Variants in VWA8 observed in about 807,000 individuals in gnomAD.
VWA8 encodes the protein von Willebrand factor A domain-containing protein 8.
A neutral mutation model predicts 241.5 loss-of-function variants in VWA8; 221 were observed. That is an observed-to-expected ratio of 0.91 (90% confidence interval 0.82 to 1.02). The LOEUF is 1.02. Among genes scored for constraint, VWA8 ranks in the 50% least tolerant of loss-of-function variants. The probability of loss-of-function intolerance (pLI) is 0.00; values close to 1 mark genes in which losing one functional copy is unlikely to be tolerated. For missense variants in VWA8, 2,322 were observed against 2,328.7 expected, an observed-to-expected ratio of 1.00 and a Z score of 0.06; for synonymous variants, 852 against 827.1, an observed-to-expected ratio of 1.03 and a Z score of -0.52.
At chr13:41,917,250 C>T (rs1053836413) in intron 2 of VWA8, among the ~76,000 whole-genome samples, 3 of 151,508 alleles carry the variant, frequency 2.0e-5, no homozygotes, top group Admixed American at 2.0e-4. Context: ...ATAATAAATC[C>T]TTCAAAACTG....
At chr13:41,682,487 AC>A (rs1230397538) in intron 35 of VWA8, among the ~76,000 whole-genome samples, 1 of 152,200 alleles carries the variant, frequency 6.6e-6, no homozygotes, top group East Asian at 1.9e-4. Context: ...TTTGCAAAGT[AC>A]ATCTCTGACA....
intron 12 of VWA8, among the ~76,000 whole-genome samples, chr13:41,840,400 G>C (rs1871941336): frequency 6.6e-6 from 1 of 151,746 alleles, no homozygotes; most frequent in Admixed American, 6.6e-5. Flanking sequence ...AAACCACCAT[G>C]GTACATGTAT....
intron 21 of VWA8, among the ~76,000 whole-genome samples, chr13:41,759,280 CAGG>C (rs1300586431): frequency 3.3e-5 from 5 of 151,512 alleles, no homozygotes; most frequent in African/African-American, 9.7e-5. Flanking sequence ...ATTTATTTCT[CAGG>C]AGAAGTCAGC....
At chr13:41,957,039 G>A (rs1326877317) in intron 1 of VWA8, among the ~76,000 whole-genome samples, 2 of 152,120 alleles carry the variant, frequency 1.3e-5, no homozygotes, top group Non-Finnish European at 2.9e-5. Flanking sequence ...TCAGGAGTTC[G>A]AGACCAGCCT....
chr13:41,758,391 T>TAC (rs1555331254), intron 21 of VWA8, among the ~76,000 whole-genome samples: 4 of 12,734 alleles, frequency 3.1e-4, no homozygotes, highest in Non-Finnish European at 7.7e-4. Context: ...TATATATATA[T>TAC]ACGCTAGTAT....
At chr13:41,938,518 G>A (rs184288207) in intron 2 of VWA8, among the ~76,000 whole-genome samples, 186 of 152,094 alleles carry the variant, frequency 1.2e-3, no homozygotes, top group Non-Finnish European at 2.0e-3. Flanking sequence ...AGGCGTAGTG[G>A]CACGTGCCTG....
chr13:41,797,592 G>A (rs1420855379), intron 17 of VWA8, among the ~76,000 whole-genome samples: 1 of 152,036 alleles, frequency 6.6e-6, no homozygotes, highest in Admixed American at 6.6e-5. Flanking sequence ...CTTCAATTCT[G>A]ATTGTTTCTG....
At position 41,909,499 on chromosome 13, in the gene VWA8, G is replaced by A. The variant is rs565170426; in HGVS notation, c.373-1803C>T. ...GAGTAAAGTGGCAATTTCTCTTGTT[G>A]GCAGGTATTACTTCTTGCTTCTGGA... On this transcript the variant is annotated intron_variant, in intron 3 of 44. Transcript: ENST00000379310. Among the ~76,000 whole-genome samples, 58 of 152,292 alleles carry A rather than the reference G, an allele frequency of 3.8e-4. 1 individual carries two copies. The South Asian group carries it at 0.012, about 32-fold the overall frequency.
At chr13:41,844,976 A>G (rs1441197048) in intron 12 of VWA8, among the ~76,000 whole-genome samples, 1 of 152,166 alleles carries the variant, frequency 6.6e-6, no homozygotes, top group African/African-American at 2.4e-5. Context: ...ATACTGCCCA[A>G]AGCAATTTAC....
intron 2 of VWA8, among the ~76,000 whole-genome samples, chr13:41,940,838 T>C (rs1329325094): frequency 1.3e-5 from 2 of 152,196 alleles, no homozygotes; most frequent in South Asian, 4.1e-4. Flanking sequence ...ACCATCATCA[T>C]CTTGATGTAC....
intron 37 of VWA8, among the ~76,000 whole-genome samples, chr13:41,665,307 G>A (rs2044978757): frequency 1.3e-5 from 2 of 152,072 alleles, no homozygotes; most frequent in South Asian, 2.1e-4. Context: ...ACTTTGTTAA[G>A]GTTCAATTAT....
At chr13:41,712,785 T>C (rs1414841204) in intron 26 of VWA8, among the ~76,000 whole-genome samples, 1 of 152,116 alleles carries the variant, frequency 6.6e-6, no homozygotes, top group Non-Finnish European at 1.5e-5. Context: ...AACACACAAA[T>C]GTACATACCC....
At chr13:41,936,645 AT>A (rs1206045789) in intron 2 of VWA8, among the ~76,000 whole-genome samples, 1 of 152,162 alleles carries the variant, frequency 6.6e-6, no homozygotes, top group African/African-American at 2.4e-5. Flanking sequence ...AGGATACAAA[AT>A]TTCAGCTAGG....
At chr13:41,758,421 T>TTG (rs370975202) in intron 21 of VWA8, among the ~76,000 whole-genome samples, 2 of 64,308 alleles carry the variant, frequency 3.1e-5, no homozygotes, top group Non-Finnish European at 7.1e-5. Context: ...TATATATATA[T>TTG]ATATATATAC....
At chr13:41,756,554 T>A (rs186635371) in intron 21 of VWA8, among the ~76,000 whole-genome samples, 36 of 151,718 alleles carry the variant, frequency 2.4e-4, no homozygotes, top group Admixed American at 2.2e-3. Context: ...AAGGAAAAAA[T>A]TGGTTTTTGG....
intron 2 of VWA8, among the ~76,000 whole-genome samples, chr13:41,918,930 C>A (rs1004181496): frequency 3.9e-5 from 6 of 152,080 alleles, no homozygotes; most frequent in Admixed American, 2.6e-4. Flanking sequence ...ATAAAAAGAT[C>A]TTTGGAAAAT....
At chr13:41,869,617 C>T (rs965954716) in intron 9 of VWA8, among the ~76,000 whole-genome samples, 13 of 97,156 alleles carry the variant, frequency 1.3e-4, no homozygotes, top group East Asian at 3.1e-4. Flanking sequence ...GGCAACAGAG[C>T]GAAAACTTTG....
In VWA8 at chr13:41,758,379, T is replaced by TATATAC. The variant is rs1376282777; in HGVS notation, c.2426+2748_2426+2749insGTATAT. Among the ~76,000 whole-genome samples the TATATAC allele has an allele frequency of 3.1e-4, 6 of 19,644 alleles. 1 individual carries two copies. Among genetic ancestry groups the TATATAC allele is most frequent in the African/African-American group, 6.1e-4 (6 of 9,892 alleles). The allele number at this position is 19,644 out of a possible 152,430, so 12.9% of individuals were successfully genotyped here. On this transcript the variant is annotated intron_variant, in intron 21 of 44. Transcript: ENST00000379310. Reference sequence around the variant, plus strand: ...TGCTATAGATACTAGCATATATATATATATATATATATACGCTAGTATATA... The same window carrying TATATAC: ...TGCTATAGATACTAGCATATATATATATATACATATATATATATACGCTAGTATATA...
At chr13:41,770,419 C>T (rs1472542338) in intron 20 of VWA8, among the ~76,000 whole-genome samples, 7 of 139,388 alleles carry the variant, frequency 5.0e-5, no homozygotes, top group Non-Finnish European at 1.1e-4. Context: ...ACAGCCTGGG[C>T]GACAGAGCGA....
Sources: gnomAD v4.1 joint callset for allele counts (sites outside exome capture counted in the v4.1 genomes callset) on GRCh38, gnomAD v4.1.1 for gene constraint, MANE v1.5 for transcripts, NCBI Gene and HGNC (gene_info 2026-07-23, HGNC 2026-07-21) for gene names.